FBXO38: variants seen among roughly 807,000 people sequenced by gnomAD.
FBXO38 encodes the protein F-box only protein 38.
Under a neutral mutation model 131.9 loss-of-function variants are expected in FBXO38, and 53 were observed. That is an observed-to-expected ratio of 0.40 (90% CI 0.32 to 0.51). FBXO38 has a LOEUF of 0.51. Among genes scored for constraint, FBXO38 ranks in the 20% least tolerant of loss-of-function variants. The probability of loss-of-function intolerance (pLI) is 0.53; values close to 1 mark genes in which losing one functional copy is unlikely to be tolerated. For synonymous variants in FBXO38, 452 were observed against 505.6 expected (o/e 0.89, Z 1.42); for missense variants, 1,076 against 1,475.6 (o/e 0.73, Z 4.44).
At chr5:148,425,916 A>T (rs573937704) in intron 14 of FBXO38, among the ~76,000 whole-genome samples, 82 of 152,268 alleles carry the variant, frequency 5.4e-4, no homozygotes, top group Middle Eastern at 6.8e-3. Flanking sequence ...GGAAGAAGAG[A>T]AGTAAGGATT....
intron 8 of FBXO38, chr5:148,410,157 T>G (rs1472357465): frequency 1.3e-5 from 2 of 152,944 alleles, no homozygotes; most frequent in African/African-American, 4.8e-5. Flanking sequence ...ACTAAAGTCA[T>G]GAACTTCTTT....
intron 7 of FBXO38, 37 bp from the exon 8 acceptor site, chr5:148,409,087 C>A: frequency 8.6e-7 from 1 of 1,169,000 alleles, no homozygotes; most frequent in Non-Finnish European, 1.3e-6. Context: ...ACTAAAAATG[C>A]TATGGTCAAA....
intron 15 of FBXO38, among the ~76,000 whole-genome samples, chr5:148,431,661 A>G (rs1754050211): frequency 6.6e-6 from 1 of 152,168 alleles, no homozygotes. Flanking sequence ...GAGGTTTTAA[A>G]AGGATTGTGA....
At position 148,404,583 on chromosome 5, in the gene FBXO38, T is replaced by A. The variant is rs184807762; in HGVS notation, c.593-102T>A. The A allele has an allele frequency of 6.4e-5, 64 of 993,696 alleles. No homozygotes were observed. The Admixed American group carries it at 9.5e-4, about 15-fold the overall frequency. 61.6% of individuals were successfully genotyped at this position (993,696 alleles called of 1,614,324 possible). On this transcript the variant is annotated intron_variant, in intron 5 of 21. Transcript: ENST00000340253. ...TGTTCGGATAAAAATCCTTGAAGGT[T>A]AAGCTGTTAATATGAAAAATAGACT...
intron 7 of FBXO38, among the ~76,000 whole-genome samples, chr5:148,406,934 G>A (rs1047235391): frequency 6.6e-6 from 1 of 152,150 alleles, no homozygotes; most frequent in Non-Finnish European, 1.5e-5. Context: ...AATGTGCTTT[G>A]TGTTAAACAT....
At chr5:148,421,875 A>G (rs1339720203) in intron 12 of FBXO38, among the ~76,000 whole-genome samples, 1 of 152,144 alleles carries the variant, frequency 6.6e-6, no homozygotes, top group Non-Finnish European at 1.5e-5. Flanking sequence ...CCATCATCCG[A>G]TTTAATTACC....
chr5:148,434,207 A>G (rs1561545041), intron 17 of FBXO38: 4 of 151,874 alleles, frequency 2.6e-5, no homozygotes, highest in African/African-American at 7.3e-5. Flanking sequence ...TTTTAGTCTC[A>G]TGTCCCTCAT....
chr5:148,406,042 A>G (rs565278836), intron 6 of FBXO38, among the ~76,000 whole-genome samples: 68 of 152,336 alleles, frequency 4.5e-4, no homozygotes, highest in African/African-American at 1.5e-3. Context: ...GGAATACTAC[A>G]TATCTCTACA....
chr5:148,388,736 G>A (rs1206958427), intron 1 of FBXO38, among the ~76,000 whole-genome samples: 1 of 152,148 alleles, frequency 6.6e-6, no homozygotes, highest in East Asian at 1.9e-4. Flanking sequence ...GAATGTGGCT[G>A]GTTTGAACTT....
Position 148,409,145 on chromosome 5 carries a change from C to T in FBXO38, c.890C>T (p.Thr297Ile), listed in dbSNP as rs1752602990. 6.2e-7 allele frequency: 1 copy of T among 1,612,412 alleles called. No homozygotes were observed. The highest frequency in any genetic ancestry group is 8.5e-7 in the Non-Finnish European group (1 of 1,178,710). The change falls in exon 8 of 22, where the codon ACT becomes ATT. Residue 297 changes from threonine (T) to isoleucine (I), a missense_variant. By Grantham distance (89) the Thr-to-Ile change is moderately conservative. Transcript: ENST00000340253. ...WRSGGFRNLHTIVLGACKNAL... is the reference protein window; with the variant it reads ...WRSGGFRNLHIIVLGACKNAL... ...TTAGGTGGTTTTAGAAATTTGCACA[C>T]TATTGTTCTGGGAGCTTGCAAAAAT...
intron 12 of FBXO38, among the ~76,000 whole-genome samples, chr5:148,421,886 A>G (rs958184949): frequency 6.6e-5 from 10 of 152,168 alleles, no homozygotes; most frequent in African/African-American, 2.2e-4. Context: ...TTTAATTACC[A>G]GAGACTAAAA....
At chr5:148,426,761 C>G (rs1333445080) in intron 14 of FBXO38, among the ~76,000 whole-genome samples, 1 of 152,072 alleles carries the variant, frequency 6.6e-6, no homozygotes, top group African/African-American at 2.4e-5. Context: ...AGAGTCATGT[C>G]AAAAACAATA....
intron 18 of FBXO38, 144 bp downstream of exon 18, chr5:148,438,642 G>A: frequency 2.5e-6 from 2 of 794,484 alleles, no homozygotes; most frequent in Non-Finnish European, 2.0e-6. Flanking sequence ...TACAGGTTAT[G>A]TATGATATAG....
intron 1 of FBXO38, among the ~76,000 whole-genome samples, chr5:148,390,531 T>A (rs994071083): frequency 6.6e-6 from 1 of 152,200 alleles, no homozygotes; most frequent in Non-Finnish European, 1.5e-5. Context: ...AGGAATAGTT[T>A]TACCTAAAAT....
chr5:148,419,496 T>A (rs559614993), intron 12 of FBXO38, among the ~76,000 whole-genome samples: 49 of 152,332 alleles, frequency 3.2e-4, no homozygotes, highest in Admixed American at 3.2e-3. Context: ...TGACTAATAT[T>A]GATGGTTCAA....
At chr5:148,388,268 G>A (rs1473579966) in intron 1 of FBXO38, among the ~76,000 whole-genome samples, 7 of 152,122 alleles carry the variant, frequency 4.6e-5, no homozygotes, top group African/African-American at 1.7e-4. Context: ...TCCTTTTATA[G>A]AGCACAGGCA....
intron 6 of FBXO38, 125 bp from the exon 7 acceptor site, chr5:148,406,132 C>A: frequency 1.1e-6 from 1 of 898,166 alleles, no homozygotes; most frequent in South Asian, 2.3e-5. Flanking sequence ...AACCTGATTT[C>A]AGAGAGCCAA....
At chr5:148,434,710 C>T (rs1180484102) in intron 17 of FBXO38, 1 of 152,114 alleles carries the variant, frequency 6.6e-6, no homozygotes, top group Non-Finnish European at 1.5e-5. Flanking sequence ...TATTTTCCAG[C>T]ACATATAAAA....
intron 1 of FBXO38, among the ~76,000 whole-genome samples, chr5:148,387,027 T>C (rs1167222758): frequency 1.3e-5 from 2 of 152,134 alleles, no homozygotes; most frequent in Non-Finnish European, 2.9e-5. Flanking sequence ...TGCAGAACAT[T>C]GGGGTGGCTT....
Sources: gnomAD v4.1 joint callset for allele counts (sites outside exome capture counted in the v4.1 genomes callset) on GRCh38, gnomAD v4.1.1 for gene constraint, MANE v1.5 for transcripts, NCBI Gene and HGNC (gene_info 2026-07-23, HGNC 2026-07-21) for gene names.